The following ACYP2 variants were observed in gnomAD, a reference collection of about 807,000 sequenced individuals.
ACYP2 encodes the protein acylphosphatase 2.
In ACYP2, 12 loss-of-function variants were observed where a neutral mutation model predicts 11.2. The observed-to-expected ratio is 1.08, with a 90% CI of 0.69 to 1.74. ACYP2 has a LOEUF of 1.74. Ranked by LOEUF, ACYP2 falls within the 40% of genes most tolerant of loss-of-function variation. The pLI is 0.00. For missense variants in ACYP2, 134 were observed against 101.9 expected, an observed-to-expected ratio of 1.31 and a Z score of -1.35; for synonymous variants, 43 against 32.2, an observed-to-expected ratio of 1.33 and a Z score of -1.13.
Position 53,980,368 on chromosome 2 carries a change from T to C in ACYP2, c.62+6558T>C, listed in dbSNP as rs1384081152. Among the ~76,000 whole-genome samples, 3 of 151,962 alleles carry C rather than the reference T, an allele frequency of 2.0e-5. No homozygotes were observed. In the East Asian group the frequency reaches 5.8e-4, roughly 30 times the overall value. ...ACCCTGTCTCAAAAAAAAAATTTTTTTTTTTTATAAAAAGAAAAAGTTACA... is the reference window on the plus strand; with the variant it reads ...ACCCTGTCTCAAAAAAAAAATTTTTCTTTTTTATAAAAAGAAAAAGTTACA... On this transcript the variant is annotated intron_variant, in intron 2 of 6. Coordinates refer to ENST00000607452, the MANE Select transcript of ACYP2 (RefSeq NM_001320586.2).
chr2:54,169,914 C>T (rs1271789353), intron 6 of ACYP2, among the ~76,000 whole-genome samples: 1 of 152,108 alleles, frequency 6.6e-6, no homozygotes, highest in Non-Finnish European at 1.5e-5. Context: ...ACTGGTATCT[C>T]TTAAATCATT....
intron 6 of ACYP2, among the ~76,000 whole-genome samples, chr2:54,210,140 TCA>T (rs1491240734): frequency 3.9e-5 from 2 of 51,326 alleles, no homozygotes; most frequent in African/African-American, 2.1e-4. Flanking sequence ...AGACTGTGTC[TCA>T]AAAAAAAAAA....
At position 54,194,219 on chromosome 2, in the gene ACYP2, T is replaced by C. The variant is rs184418755; in HGVS notation, c.404+55471T>C. ...CGCACCTGGCTAATTTTTGCATTTTTAGTAGAGATGGGGTTTCACCATGTT... is the reference window on the plus strand; with the variant it reads ...CGCACCTGGCTAATTTTTGCATTTTCAGTAGAGATGGGGTTTCACCATGTT... On this transcript the variant is annotated intron_variant, in intron 6 of 6. Transcript: ENST00000607452. 9.4e-3 allele frequency among the ~76,000 whole-genome samples: 1,430 copies of C among 152,214 alleles called. 16 individuals are homozygous for C. Among genetic ancestry groups the C allele is most frequent in the Non-Finnish European group, 9.6e-3 (653 of 68,022 alleles).
chr2:54,209,962 G>A (rs1001141418), intron 6 of ACYP2, among the ~76,000 whole-genome samples: 3 of 151,956 alleles, frequency 2.0e-5, no homozygotes, highest in South Asian at 2.1e-4. Flanking sequence ...CCAACATGGC[G>A]AAACCCCGTC....
intron 2 of ACYP2, among the ~76,000 whole-genome samples, chr2:54,026,545 A>T (rs1433035180): frequency 7.3e-6 from 1 of 136,562 alleles, no homozygotes; most frequent in Non-Finnish European, 1.6e-5. Flanking sequence ...TGATCCAGCA[A>T]TCCCATTACT....
intron 2 of ACYP2, among the ~76,000 whole-genome samples, chr2:54,014,959 C>G (rs1460532943): frequency 1.3e-5 from 2 of 152,064 alleles, no homozygotes; most frequent in Non-Finnish European, 2.9e-5. Context: ...CTTTCTACTT[C>G]AATATTATAT....
At chr2:54,254,417 AGG>A in intron 6 of ACYP2, 1 of 154,306 alleles carries the variant, frequency 6.5e-6, no homozygotes, top group Non-Finnish European at 1.4e-5. Context: ...GACCAGTCTC[AGG>A]AAAAGTAATG....
At chr2:54,126,711 G>C (rs1358229491) in intron 4 of ACYP2, among the ~76,000 whole-genome samples, 2 of 152,042 alleles carry the variant, frequency 1.3e-5, no homozygotes, top group African/African-American at 4.8e-5. Context: ...ACTTTGGGAG[G>C]CCTAGGCGGG....
chr2:54,268,391 T>A (rs555660228), intron 6 of ACYP2, among the ~76,000 whole-genome samples: 63 of 152,148 alleles, frequency 4.1e-4, no homozygotes, highest in Non-Finnish European at 7.1e-4. Flanking sequence ...CCTGGTCGAT[T>A]TATTTATACA....
chr2:53,986,076 G>A (rs1053621656), intron 2 of ACYP2, among the ~76,000 whole-genome samples: 5 of 151,968 alleles, frequency 3.3e-5, no homozygotes, highest in South Asian at 2.1e-4. Context: ...GCTGTGAGCC[G>A]AGATAATGCC....
chr2:53,971,558 TG>T (rs1573407948), intron 1 of ACYP2, among the ~76,000 whole-genome samples: 1 of 151,936 alleles, frequency 6.6e-6, no homozygotes, highest in African/African-American at 2.4e-5. Flanking sequence ...CTGTTTTGTG[TG>T]TAAGGCGCTC....
At chr2:54,141,827 A>T in intron 6 of ACYP2, 1 of 518,972 alleles carries the variant, frequency 1.9e-6, no homozygotes, top group Non-Finnish European at 3.5e-6. Context: ...TGCTTTTAAG[A>T]TAAACTTTAT....
intron 2 of ACYP2, among the ~76,000 whole-genome samples, chr2:54,012,623 C>T (rs1210552826): frequency 6.6e-6 from 1 of 152,070 alleles, no homozygotes; most frequent in Non-Finnish European, 1.5e-5. Flanking sequence ...CCGTCAGTCA[C>T]CAGAATCTGG....
At chr2:54,163,829 C>G (rs1682835551) in intron 6 of ACYP2, among the ~76,000 whole-genome samples, 1 of 152,056 alleles carries the variant, frequency 6.6e-6, no homozygotes, top group African/African-American at 2.4e-5. Context: ...GCACTCCAGC[C>G]TGGCCACCAA....
intron 6 of ACYP2, among the ~76,000 whole-genome samples, chr2:54,300,286 G>A (rs1266243527): frequency 6.6e-6 from 1 of 152,140 alleles, no homozygotes. Flanking sequence ...ATGTGTAGTG[G>A]ACACTGATCT....
intron 6 of ACYP2, among the ~76,000 whole-genome samples, chr2:54,213,625 T>TA (rs1685425768): frequency 6.6e-6 from 1 of 152,222 alleles, no homozygotes; most frequent in Non-Finnish European, 1.5e-5. Context: ...TTCTGACTGG[T>TA]ATGAGGTGGT....
At chr2:54,037,743 T>C (rs1050840070) in intron 2 of ACYP2, among the ~76,000 whole-genome samples, 2 of 152,132 alleles carry the variant, frequency 1.3e-5, no homozygotes, top group African/African-American at 2.4e-5. Flanking sequence ...AAAAAGTGAA[T>C]AAAATATATA....
intron 2 of ACYP2, among the ~76,000 whole-genome samples, chr2:54,017,344 C>CA (rs1673753770): frequency 6.7e-6 from 1 of 150,310 alleles, no homozygotes; most frequent in African/African-American, 2.4e-5. Flanking sequence ...CAGCCTCTGC[C>CA]ACCCGGGTTC....
chr2:54,011,409 A>G (rs777240015), intron 2 of ACYP2, among the ~76,000 whole-genome samples: 3 of 152,184 alleles, frequency 2.0e-5, no homozygotes, highest in Non-Finnish European at 4.4e-5. Flanking sequence ...ATGACATTTC[A>G]AAAGTGTCTC....
Sources: gnomAD v4.1 joint callset for allele counts (sites outside exome capture counted in the v4.1 genomes callset) on GRCh38, gnomAD v4.1.1 for gene constraint, MANE v1.5 for transcripts, NCBI Gene and HGNC (gene_info 2026-07-23, HGNC 2026-07-21) for gene names.